Variants in DRICH1 observed in about 807,000 individuals in gnomAD.
DRICH1 encodes the protein aspartate-rich protein 1.
Under a neutral mutation model 39.5 loss-of-function variants are expected in DRICH1, and 38 were observed. The observed-to-expected ratio is 0.96, with a 90% CI of 0.74 to 1.26. The LOEUF (loss-of-function observed/expected upper bound fraction) is 1.26. DRICH1 is among the 50% of genes most tolerant of loss of function. DRICH1 has a pLI of 0.00. For missense variants in DRICH1, 279 were observed against 270.4 expected (o/e 1.03, Z -0.22); for synonymous variants, 84 against 99.5 (o/e 0.84, Z 0.93).
At position 23,614,159 on chromosome 22, in the gene DRICH1, T is replaced by C; in HGVS notation, c.597A>G (p.Glu199=). ...CGTGGATGTCATCATCATCTTCTTC[T>C]TCTTCATCTTTGTGTCTCAGTGAGC... ...LRCSLRHKDE[E]EEDDDDIHIT... The change falls in exon 9 of 12, where the codon GAA becomes GAG. Residue 199 remains glutamate (E), a synonymous_variant. Transcript: ENST00000317749. The C allele has an allele frequency of 6.2e-7, 1 of 1,613,698 alleles. No homozygotes were observed. The highest frequency in any genetic ancestry group is 2.2e-5 in the East Asian group (1 of 44,884).
chr22:23,616,473 G>A (rs1927353572), intron 8 of DRICH1, among the ~76,000 whole-genome samples: 1 of 152,086 alleles, frequency 6.6e-6, no homozygotes, highest in African/African-American at 2.4e-5. Context: ...CCAAGCAGCA[G>A]GTATAACATG....
rs1027016950 is a variant in DRICH1, at chr22:23,608,782, T to A, written c.686-14A>T. Reference sequence around the variant, plus strand: ...AAGGGCTTCACCCTGGATGAAGAGATAATCCCTTTTTAGTGAGAGCAGGCT... The same window carrying A: ...AAGGGCTTCACCCTGGATGAAGAGAAAATCCCTTTTTAGTGAGAGCAGGCT... On this transcript the variant is annotated splice_polypyrimidine_tract_variant and intron_variant, in intron 11 of 11. Coordinates refer to ENST00000317749, the MANE Select transcript of DRICH1 (RefSeq NM_016449.4). 4 of 1,559,350 alleles carry A rather than the reference T, an allele frequency of 2.6e-6. No individual in the cohort carries two copies. The African/African-American group carries it at 5.4e-5, about 21-fold the overall frequency.
chr22:23,630,224 T>C (rs1458513831), intron 1 of DRICH1, among the ~76,000 whole-genome samples: 1 of 152,176 alleles, frequency 6.6e-6, no homozygotes. Context: ...TTTGGCACAC[T>C]TATAGGCCAT....
chr22:23,607,078 C>T (rs1926772913), downstream of DRICH1: 1 of 152,744 alleles, frequency 6.5e-6, no homozygotes, highest in Non-Finnish European at 1.5e-5. Flanking sequence ...CTGATCCGCT[C>T]ACTGATGTGG....
Position 23,624,923 on chromosome 22 carries a change from A to C in DRICH1, c.277-19T>G. On this transcript the variant is annotated intron_variant, in intron 2 of 11. Transcript: ENST00000317749. ...GTAAAATCTGCAATGAGACAAAAGA[A>C]GATGCTATGAGGATCAGATCAATTC... 6.2e-7 allele frequency: 1 copy of C among 1,612,890 alleles called. No homozygotes were observed.
chr22:23,594,944 AT>A, the DRICH1 span, among the ~76,000 whole-genome samples: 1 of 148,668 alleles, frequency 6.7e-6, no homozygotes, highest in Non-Finnish European at 1.5e-5. Context: ...GCAAATGTTG[AT>A]GAAGTCCCCA....
intron 1 of DRICH1, among the ~76,000 whole-genome samples, chr22:23,631,142 G>A (rs922155796): frequency 2.6e-5 from 4 of 152,058 alleles, no homozygotes; most frequent in African/African-American, 4.8e-5. Flanking sequence ...ATTAGGAGCC[G>A]GGCGCGATGC....
Position 23,614,176 on chromosome 22 carries a change from T to C in DRICH1, c.580A>G (p.Arg194Gly). ...TCTTCTTCTTCTTCATCTTTGTGTC[T>C]CAGTGAGCATCTTAAAAACAGGCTA... ...EDSLFLRCSL[R>G]HKDEEEEDDD... Residue 194 changes from arginine (R) to glycine (G), a missense_variant, in exon 9 of 12, where the codon AGA becomes GGA. Coordinates refer to ENST00000317749, the MANE Select transcript of DRICH1 (RefSeq NM_016449.4). 1 of 1,613,944 alleles carries C rather than the reference T, an allele frequency of 6.2e-7. No homozygotes were observed. Among genetic ancestry groups the C allele is most frequent in the South Asian group, 1.1e-5 (1 of 91,076 alleles).
chr22:23,608,750 T>A lies in DRICH1; in HGVS notation c.*14A>T. ...CCTTTGGGTCAGCACCCTGGTCAGC[T>A]CCACAGAAGGGCTTCACCCTGGATG... On this transcript the variant is annotated 3_prime_UTR_variant, in exon 12 of 12. Coordinates refer to ENST00000317749, the MANE Select transcript of DRICH1 (RefSeq NM_016449.4). The A allele has an allele frequency of 1.3e-6, 2 of 1,558,976 alleles. No individual in the cohort carries two copies. Among genetic ancestry groups the A allele is most frequent in the Non-Finnish European group, 1.7e-6 (2 of 1,150,166 alleles).
chr22:23,601,486 C>T, the DRICH1 span, among the ~76,000 whole-genome samples: 1 of 152,164 alleles, frequency 6.6e-6, no homozygotes, highest in Non-Finnish European at 1.5e-5. Context: ...ATTCCATGTG[C>T]AGAACATTCT....
At chr22:23,631,088 C>T (rs1928357368) in intron 1 of DRICH1, 1 of 152,092 alleles carries the variant, frequency 6.6e-6, no homozygotes. Flanking sequence ...ACGTAACAAA[C>T]CTGTACATCC....
At chr22:23,610,783 T>G (rs904020174) in intron 11 of DRICH1, among the ~76,000 whole-genome samples, 4 of 152,180 alleles carry the variant, frequency 2.6e-5, no homozygotes, top group Non-Finnish European at 5.9e-5. Flanking sequence ...TATTTTAATT[T>G]TTTTCTTCTT....
At position 23,616,853 on chromosome 22, in the gene DRICH1, C is replaced by G; in HGVS notation, c.541G>C (p.Ala181Pro). The change falls in exon 8 of 12, where the codon GCT becomes CCT. Residue 181 changes from alanine (A) to proline (P), a missense_variant and splice_region_variant. Physicochemically the swap from Ala to Pro is conservative, Grantham distance 27. Transcript: ENST00000317749. ...AAGTGAGTTAGTTCAAGGTACATAC[C>G]CTGGACAGGTGACGGTAAAATCTGC... The part of the protein sequence containing the change: ...DAQILPSPVQ[A>P]CSEDSLFLRC... 6.2e-7 allele frequency: 1 copy of G among 1,613,996 alleles called. No individual in the cohort carries two copies. The highest frequency in any genetic ancestry group is 1.1e-5 in the South Asian group (1 of 91,074).
chr22:23,600,582 G>A, the DRICH1 span, among the ~76,000 whole-genome samples: 25 of 150,972 alleles, frequency 1.7e-4, no homozygotes, highest in African/African-American at 5.1e-4. Flanking sequence ...TTTCCCAGCT[G>A]GGCTGGTGGA....
the DRICH1 span, among the ~76,000 whole-genome samples, chr22:23,582,560 T>TATTATTATTA: frequency 2.7e-5 from 4 of 145,992 alleles, no homozygotes; most frequent in South Asian, 8.8e-4. Flanking sequence ...AGGGGCTTAT[T>TATTATTATTA]ATTATTATTA....
At chr22:23,622,671 T>TGAA (rs1927824664) in intron 3 of DRICH1, among the ~76,000 whole-genome samples, 3 of 86,684 alleles carry the variant, frequency 3.5e-5, no homozygotes, top group African/African-American at 1.3e-4. Flanking sequence ...TTCTTTTTCA[T>TGAA]AGAGACCATT....
intron 1 of DRICH1, chr22:23,631,038 G>T (rs1377776957): frequency 6.6e-6 from 1 of 152,160 alleles, no homozygotes; most frequent in Non-Finnish European, 1.5e-5. Flanking sequence ...TAGGTGATGG[G>T]TTGACAGGTG....
intron 1 of DRICH1, among the ~76,000 whole-genome samples, chr22:23,630,235 C>A (rs1220368788): frequency 1.3e-5 from 2 of 151,906 alleles, no homozygotes; most frequent in Non-Finnish European, 2.9e-5. Context: ...TATAGGCCAT[C>A]CACTACCACT....
chr22:23,624,325 T>C, intron 3 of DRICH1: 1 of 985,314 alleles, frequency 1.0e-6, no homozygotes, highest in Non-Finnish European at 1.2e-6. Flanking sequence ...AAAAATCATC[T>C]TTAAATAATA....
Sources: gnomAD v4.1 joint callset for allele counts (sites outside exome capture counted in the v4.1 genomes callset) on GRCh38, gnomAD v4.1.1 for gene constraint, MANE v1.5 for transcripts, NCBI Gene and HGNC (gene_info 2026-07-23, HGNC 2026-07-21) for gene names.